ERC1: variants seen among roughly 807,000 people sequenced by gnomAD.
The protein encoded by ERC1 is RAB6 interacting protein 2.
ERC1 carries 56 observed loss-of-function variants against 132.0 expected under a neutral mutation model. The observed-to-expected ratio is 0.42, with a 90% CI of 0.34 to 0.53. ERC1 has a LOEUF of 0.53. Among genes scored for constraint, ERC1 ranks in the 20% least tolerant of loss-of-function variants. The pLI is 0.03. For synonymous variants in ERC1, 478 were observed against 476.1 expected (o/e 1.00, Z -0.05); for missense variants, 1,202 against 1,349.9 (o/e 0.89, Z 1.72).
intron 14 of ERC1, among the ~76,000 whole-genome samples, chr12:1,274,734 G>A (rs1054585987): frequency 7.9e-5 from 12 of 151,978 alleles, no homozygotes; most frequent in East Asian, 3.9e-4. Flanking sequence ...CTTGTGATCC[G>A]CACACCTTGA....
chr12:1,272,812 G>A (rs1277464046), intron 14 of ERC1, among the ~76,000 whole-genome samples: 1 of 152,058 alleles, frequency 6.6e-6, no homozygotes, highest in Non-Finnish European at 1.5e-5. Context: ...GCTGGGCGCA[G>A]TGCTAGGTGC....
At position 1,051,529 on chromosome 12, in the gene ERC1, CAAAA is replaced by C. The variant is rs35353366; in HGVS notation, c.669+22979_669+22982del. Reference sequence around the variant, plus strand: ...ACATAGCAAGGCCTCGTCTCTACCCCAAAAAAAAAAAAAAAAAAAAAAAAAGGGC... The same window carrying C: ...ACATAGCAAGGCCTCGTCTCTACCCCAAAAAAAAAAAAAAAAAAAAAGGGC... On this transcript the variant is annotated intron_variant, in intron 2 of 18. Transcript: ENST00000360905. Among the ~76,000 whole-genome samples the C allele has an allele frequency of 2.0e-3, 256 of 127,654 alleles. 1 individual carries two copies. The highest frequency in any genetic ancestry group is 8.2e-3 in the African/African-American group (246 of 30,138). 83.7% of individuals were successfully genotyped at this position (127,654 alleles called of 152,430 possible). A position where few individuals can be genotyped will look rare whatever the true frequency, so the allele number is the denominator to read the frequency against.
At chr12:1,221,837 A>AGT (rs1959014449) in intron 12 of ERC1, among the ~76,000 whole-genome samples, 1 of 152,130 alleles carries the variant, frequency 6.6e-6, no homozygotes, top group Non-Finnish European at 1.5e-5. Context: ...AATGAGAGAG[A>AGT]GTGTGTGTAT....
At chr12:1,250,370 A>G (rs1323969496) in intron 13 of ERC1, among the ~76,000 whole-genome samples, 3 of 152,164 alleles carry the variant, frequency 2.0e-5, no homozygotes, top group African/African-American at 7.2e-5. Flanking sequence ...TATTGTTTAC[A>G]TACTTTTCAA....
intron 8 of ERC1, among the ~76,000 whole-genome samples, chr12:1,174,654 A>G (rs1953488598): frequency 6.6e-6 from 1 of 152,222 alleles, no homozygotes; most frequent in African/African-American, 2.4e-5. Flanking sequence ...TATTATCCTT[A>G]TTATGCATGT....
At chr12:1,293,859 T>G (rs936037480) in intron 15 of ERC1, among the ~76,000 whole-genome samples, 10 of 152,256 alleles carry the variant, frequency 6.6e-5, no homozygotes, top group African/African-American at 2.4e-4. Context: ...AGCCATTTTT[T>G]TTAAGTCTGT....
chr12:1,274,899 C>T (rs1256974912), intron 14 of ERC1, among the ~76,000 whole-genome samples: 2 of 152,158 alleles, frequency 1.3e-5, no homozygotes, highest in South Asian at 2.1e-4. Context: ...GCAGGAACCA[C>T]GTGTGTGGAG....
chr12:1,292,554 G>C (rs1239799391), intron 15 of ERC1, among the ~76,000 whole-genome samples: 1 of 152,166 alleles, frequency 6.6e-6, no homozygotes, highest in Non-Finnish European at 1.5e-5. Flanking sequence ...ATATCTCTGT[G>C]TTAAATTATA....
chr12:1,271,860 G>A (rs947762997), intron 14 of ERC1, among the ~76,000 whole-genome samples: 3 of 152,296 alleles, frequency 2.0e-5, no homozygotes, highest in South Asian at 4.1e-4. Flanking sequence ...CCCCAGGCTT[G>A]CTCATCTCAT....
chr12:1,213,922 T>G (rs1339947728), intron 12 of ERC1, among the ~76,000 whole-genome samples: 1 of 150,650 alleles, frequency 6.6e-6, no homozygotes, highest in African/African-American at 2.4e-5. Context: ...AGAAAAAAAA[T>G]AAGGAAAAGT....
intron 18 of ERC1, among the ~76,000 whole-genome samples, chr12:1,459,910 A>G (rs2093612757): frequency 6.6e-6 from 1 of 152,216 alleles, no homozygotes; most frequent in African/African-American, 2.4e-5. Flanking sequence ...GGAAACATAC[A>G]TAGAGTGATA....
intron 18 of ERC1, among the ~76,000 whole-genome samples, chr12:1,447,457 A>C (rs1399149087): frequency 6.6e-6 from 1 of 151,550 alleles, no homozygotes; most frequent in Admixed American, 6.6e-5. Context: ...TCGTGGCTAC[A>C]ATGAGCTGAG....
chr12:1,462,685 G>A (rs1182231873), intron 18 of ERC1, among the ~76,000 whole-genome samples: 2 of 152,134 alleles, frequency 1.3e-5, no homozygotes, highest in Admixed American at 6.5e-5. Flanking sequence ...GACTGAAAGA[G>A]GATAAAACAG....
intron 2 of ERC1, among the ~76,000 whole-genome samples, chr12:1,044,628 A>G (rs1970792869): frequency 6.6e-6 from 1 of 152,216 alleles, no homozygotes; most frequent in Non-Finnish European, 1.5e-5. Context: ...AATTAAGTCA[A>G]ACATTTCTTA....
intron 15 of ERC1, among the ~76,000 whole-genome samples, chr12:1,361,489 A>G (rs2086118009): frequency 6.6e-6 from 1 of 152,198 alleles, no homozygotes; most frequent in South Asian, 2.1e-4. Context: ...GAAATGCATG[A>G]TTTGATTAAA....
chr12:1,264,492 G>C (rs991891715), intron 14 of ERC1, among the ~76,000 whole-genome samples: 1 of 151,912 alleles, frequency 6.6e-6, no homozygotes, highest in Non-Finnish European at 1.5e-5. Flanking sequence ...GTGAAACCCC[G>C]TCTCTACTAA....
intron 1 of ERC1, among the ~76,000 whole-genome samples, chr12:1,005,822 T>G (rs1484257114): frequency 6.6e-6 from 1 of 152,168 alleles, no homozygotes; most frequent in Non-Finnish European, 1.5e-5. Flanking sequence ...AGTATATACA[T>G]GTATATTTTA....
intron 13 of ERC1, among the ~76,000 whole-genome samples, 174 bp from the exon 14 acceptor site, chr12:1,262,860 C>A (rs558033503): frequency 2.0e-5 from 3 of 152,302 alleles, no homozygotes; most frequent in African/African-American, 7.2e-5. Context: ...TCTTCAGCCT[C>A]CTTCTTTCCT....
At chr12:1,211,884 A>G (rs1317331049) in intron 12 of ERC1, among the ~76,000 whole-genome samples, 2 of 152,120 alleles carry the variant, frequency 1.3e-5, no homozygotes, top group Non-Finnish European at 2.9e-5. Flanking sequence ...TCAGTTCTAT[A>G]CAATGTGTTG....
Sources: gnomAD v4.1 joint callset for allele counts (sites outside exome capture counted in the v4.1 genomes callset) on GRCh38, gnomAD v4.1.1 for gene constraint, MANE v1.5 for transcripts, NCBI Gene and HGNC (gene_info 2026-07-23, HGNC 2026-07-21) for gene names.